Variants in CARMIL1 observed in about 807,000 individuals in gnomAD.
The protein encoded by CARMIL1 is F-actin-uncapping protein LRRC16A.
CARMIL1 carries 90 observed loss-of-function variants against 177.1 expected under a neutral mutation model. That is an observed-to-expected ratio of 0.51 (90% CI 0.43 to 0.61). The LOEUF (loss-of-function observed/expected upper bound fraction) is 0.61. Among genes scored for constraint, CARMIL1 ranks in the 20% least tolerant of loss-of-function variants. CARMIL1 has a pLI of 0.00. For missense variants in CARMIL1, 1,380 were observed against 1,667.0 expected, an observed-to-expected ratio of 0.83 and a Z score of 3.00; for synonymous variants, 577 against 606.2, an observed-to-expected ratio of 0.95 and a Z score of 0.71.
chr6:25,338,685 T>G (rs1160468063), intron 2 of CARMIL1, among the ~76,000 whole-genome samples: 1 of 152,158 alleles, frequency 6.6e-6, no homozygotes, highest in Admixed American at 6.5e-5. Flanking sequence ...GCTCAGAAAA[T>G]TTGATTTCAA....
chr6:25,478,052 TCTCA>T (rs1801742605), intron 11 of CARMIL1, among the ~76,000 whole-genome samples: 1 of 152,026 alleles, frequency 6.6e-6, no homozygotes, highest in African/African-American at 2.4e-5. Context: ...AGTGATGTGG[TCTCA>T]CTCTGTTGCC....
chr6:25,535,777 C>T (rs1808240241), intron 24 of CARMIL1, among the ~76,000 whole-genome samples: 1 of 152,122 alleles, frequency 6.6e-6, no homozygotes, highest in Non-Finnish European at 1.5e-5. Flanking sequence ...TCAATCTGTA[C>T]TCTGTGTAAT....
At chr6:25,552,561 G>T (rs578252985) in intron 27 of CARMIL1, among the ~76,000 whole-genome samples, 7 of 152,122 alleles carry the variant, frequency 4.6e-5, no homozygotes, top group Non-Finnish European at 8.8e-5. Flanking sequence ...ATGCACATTT[G>T]CATGGGCAGG....
At chr6:25,581,989 A>C (rs1170583318) in intron 31 of CARMIL1, among the ~76,000 whole-genome samples, 1 of 152,124 alleles carries the variant, frequency 6.6e-6, no homozygotes, top group Non-Finnish European at 1.5e-5. Context: ...TGTGCTGATG[A>C]GCCTTAATGT....
At chr6:25,521,962 C>T (rs1221481513) in intron 23 of CARMIL1, among the ~76,000 whole-genome samples, 1 of 152,056 alleles carries the variant, frequency 6.6e-6, no homozygotes. Flanking sequence ...GTTTCCTTAA[C>T]CTTAGGGTCC....
chr6:25,545,561 A>G (rs1809369568), intron 26 of CARMIL1, among the ~76,000 whole-genome samples: 1 of 152,208 alleles, frequency 6.6e-6, no homozygotes, highest in African/African-American at 2.4e-5. Flanking sequence ...AGATTTGAAC[A>G]ACAGAAATCT....
chr6:25,453,984 CA>C (rs769616840), intron 8 of CARMIL1, among the ~76,000 whole-genome samples: 2 of 152,172 alleles, frequency 1.3e-5, no homozygotes, highest in Non-Finnish European at 2.9e-5. Flanking sequence ...TCTCATCCAC[CA>C]ACTAACCCAC....
chr6:25,551,381 A>T (rs536384945), intron 27 of CARMIL1, among the ~76,000 whole-genome samples: 1 of 152,244 alleles, frequency 6.6e-6, no homozygotes, highest in South Asian at 2.1e-4. Flanking sequence ...CTGTTTCTGA[A>T]GTTTATCTTT....
In CARMIL1 at chr6:25,515,994, T is replaced by G; in HGVS notation, c.1805+147T>G. On this transcript the variant is annotated intron_variant, in intron 21 of 36. Transcript: ENST00000329474. This position sits in a 1 kb window ranked among gnomAD's most constrained non-coding sequence, Gnocchi z 5.0. ...AGAGGTGACAATGTCAAGATTTCTGTCAGAATAATGAGGAGGCTGTTCCCA... is the reference window on the plus strand; with the variant it reads ...AGAGGTGACAATGTCAAGATTTCTGGCAGAATAATGAGGAGGCTGTTCCCA... 6 of 785,240 alleles carry G rather than the reference T, an allele frequency of 7.6e-6. No individual in the cohort carries two copies. The South Asian group carries it at 1.3e-4, about 17-fold the overall frequency. 48.6% of individuals were successfully genotyped at this position (785,240 alleles called of 1,614,324 possible). A position where few individuals can be genotyped will look rare whatever the true frequency, so the allele number is the denominator to read the frequency against.
intron 2 of CARMIL1, among the ~76,000 whole-genome samples, chr6:25,352,162 A>G (rs1222330426): frequency 6.6e-6 from 1 of 152,068 alleles, no homozygotes; most frequent in East Asian, 1.9e-4. Context: ...TAAAAAAAAA[A>G]AAAAAAGTAT....
chr6:25,410,074 C>A (rs1794771420), intron 2 of CARMIL1, among the ~76,000 whole-genome samples: 1 of 150,338 alleles, frequency 6.7e-6, no homozygotes, highest in Non-Finnish European at 1.5e-5. Context: ...AAATCTAAAT[C>A]AACCCCCCCC....
intron 7 of CARMIL1, 27 bp from the exon 8 acceptor site, chr6:25,450,611 G>A: frequency 1.5e-6 from 2 of 1,365,944 alleles, no homozygotes; most frequent in South Asian, 1.2e-5. Context: ...ATGGACTGAT[G>A]ACATGACTGA....
intron 23 of CARMIL1, among the ~76,000 whole-genome samples, chr6:25,525,593 T>A (rs1334582721): frequency 6.6e-6 from 1 of 152,200 alleles, no homozygotes; most frequent in African/African-American, 2.4e-5. Context: ...ATTTTTCTTA[T>A]TATGAATGAT....
Position 25,423,547 on chromosome 6 carries a change from G to A in CARMIL1, c.190-2954G>A, listed in dbSNP as rs370907548. ...GTGGGCTGAGGATTGTGGAGGAGGC[G>A]GTGGTGGGAGGGAAACAGCTCAGAA... On this transcript the variant is annotated intron_variant, in intron 3 of 36. Transcript: ENST00000329474. Among the ~76,000 whole-genome samples, 19 of 152,306 alleles carry A rather than the reference G, an allele frequency of 1.2e-4. 2 individuals carry two copies. The South Asian group carries it at 1.7e-3, about 13-fold the overall frequency.
intron 2 of CARMIL1, among the ~76,000 whole-genome samples, chr6:25,320,128 A>G (rs1784573645): frequency 6.6e-6 from 1 of 152,144 alleles, no homozygotes; most frequent in African/African-American, 2.4e-5. Flanking sequence ...AAGAGAAAAA[A>G]CACTCCAGCA....
intron 2 of CARMIL1, among the ~76,000 whole-genome samples, chr6:25,396,237 A>G (rs1793376816): frequency 6.6e-6 from 1 of 152,142 alleles, no homozygotes; most frequent in Admixed American, 6.6e-5. Flanking sequence ...TAAATTTAAT[A>G]GTAGAATTAT....
At chr6:25,308,852 CA>C (rs1207058352) in intron 2 of CARMIL1, among the ~76,000 whole-genome samples, 1 of 152,094 alleles carries the variant, frequency 6.6e-6, no homozygotes, top group Non-Finnish European at 1.5e-5. Context: ...GGGAGTACCC[CA>C]AGGTGGAAGC....
At chr6:25,607,356 T>TA (rs1446459010) in intron 35 of CARMIL1, among the ~76,000 whole-genome samples, 1 of 152,114 alleles carries the variant, frequency 6.6e-6, no homozygotes, top group Non-Finnish European at 1.5e-5. Flanking sequence ...GGGATAAAAA[T>TA]AGATAGTCAG....
chr6:25,520,336 AGGTATT>A lies in CARMIL1; in HGVS notation c.1968_1968+5del. ...GAAAAAACAGAAGACGCTCTGCAAA[AGGTATT>A]AAAGAATCAGTAGCTTAATTACAAG... On this transcript the variant is annotated splice_donor_variant and splice_donor_5th_base_variant and coding_sequence_variant and intron_variant, in exon 23 of 37. Transcript: ENST00000329474. LOFTEE classifies it high-confidence loss of function. 6.6e-7 allele frequency: 1 copy of A among 1,512,670 alleles called. No individual in the cohort carries two copies. 93.7% of individuals were successfully genotyped at this position (1,512,670 alleles called of 1,614,324 possible).
Sources: allele counts gnomAD v4.1 joint callset (sites outside exome capture counted in the v4.1 genomes callset), GRCh38; gene constraint gnomAD v4.1.1; non-coding constraint Gnocchi (gnomAD v3.1); transcripts MANE v1.5; gene names NCBI Gene and HGNC (gene_info 2026-07-23, HGNC 2026-07-21).